Variants in DLG2 observed in about 807,000 individuals in gnomAD.
DLG2 encodes the protein discs large MAGUK scaffold protein 2, also known as disks large homolog 2.
Under a neutral mutation model 132.5 loss-of-function variants are expected in DLG2, and 45 were observed. The observed-to-expected ratio is 0.34, with a 90% CI of 0.27 to 0.44. The LOEUF (loss-of-function observed/expected upper bound fraction) is 0.44, where lower values mean the gene tolerates loss of function less well. Among genes scored for constraint, DLG2 ranks in the 20% least tolerant of loss-of-function variants. The pLI, the probability that DLG2 is intolerant of heterozygous loss-of-function variation, is 1.00. For missense variants in DLG2, 1,045 were observed against 1,196.9 expected, an observed-to-expected ratio of 0.87 and a Z score of 1.87; for synonymous variants, 424 against 419.6, an observed-to-expected ratio of 1.01 and a Z score of -0.13.
intron 6 of DLG2, among the ~76,000 whole-genome samples, chr11:84,851,553 G>A (rs1218171244): frequency 6.6e-6 from 1 of 151,964 alleles, no homozygotes; most frequent in African/African-American, 2.4e-5. Flanking sequence ...AGTCTTACAT[G>A]AGCAATGCAA....
At chr11:84,700,814 C>A (rs1176695066) in intron 6 of DLG2, among the ~76,000 whole-genome samples, 1 of 151,604 alleles carries the variant, frequency 6.6e-6, no homozygotes, top group Admixed American at 6.6e-5. Flanking sequence ...CATGGAAAAG[C>A]AAAGACATCC....
chr11:84,425,104 C>A lies in DLG2; in HGVS notation c.519+109466G>T, dbSNP rs149230569. Among the ~76,000 whole-genome samples the A allele has an allele frequency of 2.1e-3, 320 of 152,170 alleles. 3 individuals carry two copies. The highest frequency in any genetic ancestry group is 7.4e-3 in the African/African-American group (309 of 41,534). On this transcript the variant is annotated intron_variant, in intron 7 of 27. Coordinates refer to ENST00000376104, the MANE Select transcript of DLG2 (RefSeq NM_001142699.3). ...TGTATCCATGCATCATTGTAAGTCC[C>A]AGCACAGTATTATTAATATTACTGT...
At chr11:83,873,744 A>G (rs1005123798) in intron 16 of DLG2, among the ~76,000 whole-genome samples, 1 of 152,182 alleles carries the variant, frequency 6.6e-6, no homozygotes, top group African/African-American at 2.4e-5. Flanking sequence ...AGGAATATTT[A>G]TGAACTTGTG....
intron 8 of DLG2, among the ~76,000 whole-genome samples, chr11:84,190,351 G>A (rs796425596): frequency 6.6e-6 from 1 of 152,114 alleles, no homozygotes; most frequent in Admixed American, 6.5e-5. Context: ...TTTAAATTTT[G>A]TATTTTCCAA....
chr11:85,001,391 C>G (rs1463349721), intron 6 of DLG2, among the ~76,000 whole-genome samples: 1 of 151,946 alleles, frequency 6.6e-6, no homozygotes, highest in Admixed American at 6.6e-5. Context: ...GAGAGGTAAC[C>G]CAGCAAAGAA....
At chr11:84,929,810 T>C (rs1172057551) in intron 6 of DLG2, among the ~76,000 whole-genome samples, 1 of 152,096 alleles carries the variant, frequency 6.6e-6, no homozygotes, top group East Asian at 1.9e-4. Context: ...CAGTAAGATA[T>C]TTAAAGAGGG....
At chr11:83,879,178 T>C (rs2065515719) in intron 15 of DLG2, among the ~76,000 whole-genome samples, 1 of 152,204 alleles carries the variant, frequency 6.6e-6, no homozygotes, top group Non-Finnish European at 1.5e-5. Context: ...AAATGGCTTT[T>C]AAATTTTCTC....
Position 85,277,343 on chromosome 11 carries a change from A to G in DLG2, c.186+7877T>C, listed in dbSNP as rs531205047. ...ATGGAGAGGAAGGTCAAACATAGAG[A>G]TATTTCAAGAAGTTATGAATAATAG... On this transcript the variant is annotated intron_variant, in intron 4 of 27. Transcript: ENST00000376104. Among the ~76,000 whole-genome samples the G allele has an allele frequency of 4.6e-5, 7 of 152,278 alleles. No homozygotes were observed. The South Asian group carries it at 1.2e-3, about 27-fold the overall frequency.
intron 6 of DLG2, among the ~76,000 whole-genome samples, chr11:85,082,908 T>C (rs572367647): frequency 6.6e-6 from 1 of 152,226 alleles, no homozygotes; most frequent in African/African-American, 2.4e-5. Flanking sequence ...TGAGCCATTC[T>C]CTAATGGTAA....
chr11:84,540,526 A>C (rs933146018), intron 6 of DLG2, among the ~76,000 whole-genome samples: 2 of 152,262 alleles, frequency 1.3e-5, no homozygotes, highest in East Asian at 1.9e-4. Context: ...GGCGATCATT[A>C]AAAGTCAGGA....
chr11:85,264,031 C>A (rs117824930), intron 4 of DLG2, among the ~76,000 whole-genome samples: 63 of 151,224 alleles, frequency 4.2e-4, no homozygotes, highest in African/African-American at 1.5e-3. Flanking sequence ...TAGATAAGGT[C>A]GTGCTGCTAG....
intron 6 of DLG2, among the ~76,000 whole-genome samples, chr11:84,923,968 CAG>C (rs1320413554): frequency 6.6e-6 from 1 of 151,832 alleles, no homozygotes; most frequent in Non-Finnish European, 1.5e-5. Flanking sequence ...GAAATGGAGA[CAG>C]AAGATTTCAG....
intron 16 of DLG2, among the ~76,000 whole-genome samples, chr11:83,854,819 A>G (rs1242276736): frequency 2.0e-5 from 3 of 152,136 alleles, no homozygotes; most frequent in Non-Finnish European, 4.4e-5. Flanking sequence ...TTTTTATTTT[A>G]TTAAAATAAA....
At chr11:84,474,004 T>A (rs2099115183) in intron 7 of DLG2, among the ~76,000 whole-genome samples, 1 of 152,050 alleles carries the variant, frequency 6.6e-6, no homozygotes, top group Non-Finnish European at 1.5e-5. Context: ...TTCATTCTCC[T>A]ATTTATGTCA....
At chr11:85,474,667 T>C (rs1040102549) in intron 3 of DLG2, among the ~76,000 whole-genome samples, 3 of 151,930 alleles carry the variant, frequency 2.0e-5, no homozygotes, top group African/African-American at 7.2e-5. Context: ...ATAAAATTGT[T>C]CTCTATCTAT....
intron 6 of DLG2, among the ~76,000 whole-genome samples, chr11:84,890,065 A>G (rs2089081823): frequency 6.6e-6 from 1 of 152,354 alleles, no homozygotes; most frequent in Non-Finnish European, 1.5e-5. Context: ...TTTCAGGCCA[A>G]GTTTTATTGA....
intron 6 of DLG2, among the ~76,000 whole-genome samples, chr11:84,689,121 GTAAA>G (rs1442013113): frequency 2.0e-5 from 3 of 152,184 alleles, no homozygotes; most frequent in African/African-American, 7.2e-5. Flanking sequence ...ATTCAAAAAC[GTAAA>G]TAACTATGAA....
intron 6 of DLG2, among the ~76,000 whole-genome samples, chr11:84,877,511 GCTT>G (rs1315737012): frequency 2.0e-5 from 1 of 49,432 alleles, no homozygotes; most frequent in African/African-American, 7.0e-5. Context: ...TGCAACCCCT[GCTT>G]TTTTTTTTTT....
At chr11:83,981,122 A>G (rs2092738449) in intron 11 of DLG2, among the ~76,000 whole-genome samples, 2 of 152,210 alleles carry the variant, frequency 1.3e-5, no homozygotes, top group Non-Finnish European at 2.9e-5. Flanking sequence ...TCAAGATGAG[A>G]AATAGAATTG....
Sources: allele counts gnomAD v4.1 joint callset (sites outside exome capture counted in the v4.1 genomes callset), GRCh38; gene constraint gnomAD v4.1.1; transcripts MANE v1.5; gene names NCBI Gene and HGNC (gene_info 2026-07-23, HGNC 2026-07-21).